The following PPFIA2 variants were observed in gnomAD, a reference collection of about 807,000 sequenced individuals.
PPFIA2 encodes liprin-alpha-2.
PPFIA2 carries 46 observed loss-of-function variants against 175.5 expected under a neutral mutation model. The observed-to-expected ratio is 0.26, with a 90% CI of 0.21 to 0.34. The LOEUF (loss-of-function observed/expected upper bound fraction) is 0.34. PPFIA2 is among the 10% of genes least tolerant of loss of function. The probability of loss-of-function intolerance (pLI) is 1.00; values close to 1 mark genes in which losing one functional copy is unlikely to be tolerated. For synonymous variants in PPFIA2, 568 were observed against 511.4 expected (o/e 1.11, Z -1.49); for missense variants, 1,179 against 1,506.1 (o/e 0.78, Z 3.60).
intron 4 of PPFIA2, among the ~76,000 whole-genome samples, chr12:81,498,785 T>C (rs1408617288): frequency 6.6e-6 from 1 of 151,966 alleles, no homozygotes; most frequent in African/African-American, 2.4e-5. Context: ...CCACCATGCT[T>C]GGATAATTTT....
chr12:81,526,771 T>A (rs1285800790), intron 4 of PPFIA2, among the ~76,000 whole-genome samples: 1 of 152,188 alleles, frequency 6.6e-6, no homozygotes, highest in Non-Finnish European at 1.5e-5. Context: ...TTTTGCTTAG[T>A]ATTTATCTCT....
At chr12:81,716,537 A>T (rs907518116) in intron 3 of PPFIA2, among the ~76,000 whole-genome samples, 1 of 150,402 alleles carries the variant, frequency 6.6e-6, no homozygotes, top group Non-Finnish European at 1.5e-5. Context: ...ATAGTAAAAT[A>T]CTTGGAAAGT....
rs927452611 is a variant in PPFIA2 at position 81,352,566 on chromosome 12, C to T, written c.1994+553G>A. On this transcript the variant is annotated intron_variant, in intron 17 of 32. Transcript: ENST00000549396. ...ACCTTCATCTTGGACCTTCCAGCCT[C>T]TAAAACTGTTAATGTTAATAAACTT... Among the ~76,000 whole-genome samples the T allele has an allele frequency of 2.7e-3, 407 of 151,914 alleles. 3 individuals are homozygous for T. The highest frequency in any genetic ancestry group is 3.6e-3 in the Non-Finnish European group (245 of 67,964).
chr12:81,414,941 C>T (rs1169521238), intron 7 of PPFIA2, among the ~76,000 whole-genome samples: 2 of 150,642 alleles, frequency 1.3e-5, no homozygotes, highest in Non-Finnish European at 3.0e-5. Flanking sequence ...TTTTCTAGCT[C>T]TGCATTTGGA....
intron 9 of PPFIA2, 82 bp downstream of exon 9, chr12:81,383,941 G>C: frequency 8.9e-7 from 1 of 1,126,986 alleles, no homozygotes; most frequent in Non-Finnish European, 1.3e-6. Context: ...AAAAGTGTAT[G>C]GTCATTACGG....
At chr12:81,269,567 T>C (rs1053389405) in intron 28 of PPFIA2, among the ~76,000 whole-genome samples, 2 of 152,230 alleles carry the variant, frequency 1.3e-5, no homozygotes, top group Non-Finnish European at 2.9e-5. Flanking sequence ...GTGTATAACT[T>C]TGAAGCAATA....
At chr12:81,618,727 T>G (rs1180270200) in intron 4 of PPFIA2, among the ~76,000 whole-genome samples, 2 of 151,822 alleles carry the variant, frequency 1.3e-5, no homozygotes, top group East Asian at 3.9e-4. Context: ...AGAGAAAGGG[T>G]TTCACCATGT....
chr12:81,591,646 G>A (rs1001302987), intron 4 of PPFIA2, among the ~76,000 whole-genome samples: 1 of 152,162 alleles, frequency 6.6e-6, no homozygotes, highest in African/African-American at 2.4e-5. Flanking sequence ...CCAAAGTTCA[G>A]CTCAGGTTGT....
chr12:81,511,015 T>G (rs1452936552), intron 4 of PPFIA2, among the ~76,000 whole-genome samples: 1 of 152,062 alleles, frequency 6.6e-6, no homozygotes, highest in Non-Finnish European at 1.5e-5. Flanking sequence ...GTAGATGTGG[T>G]GAAGTTACAT....
At chr12:81,432,749 G>A (rs1164492757) in intron 7 of PPFIA2, among the ~76,000 whole-genome samples, 3 of 152,064 alleles carry the variant, frequency 2.0e-5, no homozygotes, top group South Asian at 2.1e-4. Context: ...GAGCCACTAC[G>A]CCCGGCTAGA....
At chr12:81,495,342 G>A (rs2059919096) in intron 4 of PPFIA2, among the ~76,000 whole-genome samples, 1 of 151,406 alleles carries the variant, frequency 6.6e-6, no homozygotes, top group Non-Finnish European at 1.5e-5. Flanking sequence ...CATTTTACAT[G>A]AATAAAAAAA....
intron 28 of PPFIA2, among the ~76,000 whole-genome samples, chr12:81,270,168 G>T (rs1249686765): frequency 6.6e-6 from 1 of 152,184 alleles, no homozygotes; most frequent in Non-Finnish European, 1.5e-5. Flanking sequence ...ACAAGGAATA[G>T]AATTGTTATG....
At chr12:81,303,714 C>G (rs1405279228) in intron 22 of PPFIA2, among the ~76,000 whole-genome samples, 2 of 152,138 alleles carry the variant, frequency 1.3e-5, no homozygotes, top group African/African-American at 4.8e-5. Context: ...AGAGGGAAGT[C>G]TGCACTTGCT....
intron 4 of PPFIA2, among the ~76,000 whole-genome samples, chr12:81,462,022 T>C (rs1202593030): frequency 6.6e-6 from 1 of 151,840 alleles, no homozygotes; most frequent in Middle Eastern, 3.2e-3. Flanking sequence ...ATCCTTGTTG[T>C]GATAATAAAT....
chr12:81,525,053 T>G (rs1225576777), intron 4 of PPFIA2, among the ~76,000 whole-genome samples: 1 of 152,188 alleles, frequency 6.6e-6, no homozygotes, highest in Non-Finnish European at 1.5e-5. Context: ...GCATCCAAAC[T>G]GTGAGAAATA....
intron 4 of PPFIA2, among the ~76,000 whole-genome samples, chr12:81,646,630 A>C (rs1320958585): frequency 6.6e-6 from 1 of 152,314 alleles, no homozygotes; most frequent in African/African-American, 2.4e-5. Flanking sequence ...ATACTCATAC[A>C]AATTATAACA....
chr12:81,347,915 T>G lies in PPFIA2; in HGVS notation c.1995-145A>C, dbSNP rs563041225. On this transcript the variant is annotated intron_variant, in intron 17 of 32. Transcript: ENST00000549396. ...CATCAAATCTAATTTTTTCATCTTT[T>G]TTTTTTCTCTAAATAGTGTAACTTG... is the stretch of plus-strand genomic sequence containing the variant. The G allele has an allele frequency of 8.3e-5, 107 of 1,289,578 alleles. No homozygotes were observed. In the African/African-American group the frequency reaches 1.5e-3, roughly 18 times the overall value. The allele number at this position is 1,289,578 out of a possible 1,614,324, so 79.9% of individuals were successfully genotyped here.
intron 3 of PPFIA2, among the ~76,000 whole-genome samples, chr12:81,687,189 G>T (rs1049321354): frequency 6.6e-6 from 1 of 151,930 alleles, no homozygotes; most frequent in Admixed American, 6.6e-5. Flanking sequence ...CTTAAGTAAG[G>T]TCCCCATTCC....
At chr12:81,344,818 T>C (rs2058756066) in intron 18 of PPFIA2, 125 bp from the exon 19 acceptor site, 1 of 699,432 alleles carries the variant, frequency 1.4e-6, no homozygotes, top group Admixed American at 2.9e-5. Flanking sequence ...TTTGTTATTT[T>C]CTAAATAAAC....
Sources: allele counts gnomAD v4.1 joint callset (sites outside exome capture counted in the v4.1 genomes callset), GRCh38; gene constraint gnomAD v4.1.1; transcripts MANE v1.5; gene names NCBI Gene and HGNC (gene_info 2026-07-23, HGNC 2026-07-21).